Variants in PTPRK observed in about 807,000 individuals in gnomAD.
The protein encoded by PTPRK is protein tyrosine phosphatase receptor type K, also known as receptor-type tyrosine-protein phosphatase kappa.
Under a neutral mutation model 178.0 loss-of-function variants are expected in PTPRK, and 75 were observed. The observed-to-expected ratio is 0.42, with a 90% CI of 0.35 to 0.51. The LOEUF is 0.51. PTPRK is among the 20% of genes least tolerant of loss of function. The pLI, the probability that PTPRK is intolerant of heterozygous loss-of-function variation, is 0.02. For missense variants in PTPRK, 1,441 were observed against 1,797.8 expected, an observed-to-expected ratio of 0.80 and a Z score of 3.59; for synonymous variants, 637 against 620.6, an observed-to-expected ratio of 1.03 and a Z score of -0.39.
intron 7 of PTPRK, among the ~76,000 whole-genome samples, chr6:128,132,454 A>G (rs532777711): frequency 2.0e-4 from 31 of 152,306 alleles, no homozygotes; most frequent in South Asian, 1.0e-3. Context: ...TTATAGGCGT[A>G]AGCCACAGCG....
chr6:128,112,648 A>C (rs1230114096), intron 7 of PTPRK, among the ~76,000 whole-genome samples: 1 of 152,150 alleles, frequency 6.6e-6, no homozygotes, highest in East Asian at 1.9e-4. Flanking sequence ...TGCCTTGGCA[A>C]GTTCATTTTC....
chr6:128,452,802 T>TC (rs1847951539), intron 1 of PTPRK, among the ~76,000 whole-genome samples: 2 of 152,094 alleles, frequency 1.3e-5, no homozygotes, highest in African/African-American at 4.8e-5. Context: ...GCTATATAGG[T>TC]TTCCTGTTTT....
intron 6 of PTPRK, among the ~76,000 whole-genome samples, chr6:128,203,911 T>C (rs376547340): frequency 1.6e-4 from 25 of 152,080 alleles, no homozygotes; most frequent in South Asian, 6.2e-4. Context: ...CTCATAAAAT[T>C]AGAAAAAAAC....
At position 127,995,454 on chromosome 6, in the gene PTPRK, A is replaced by T. The variant is rs1422441086; in HGVS notation, c.2844+8T>A. The T allele has an allele frequency of 1.3e-6, 2 of 1,568,412 alleles. No individual in the cohort carries two copies. Among genetic ancestry groups the T allele is most frequent in the African/African-American group, 1.4e-5 (1 of 73,204 alleles). ...AAAGTAGACATACTTAACTATAAAA[A>T]TACTTACATCAATATAGTTGGCATT... On this transcript the variant is annotated splice_region_variant and intron_variant, in intron 18 of 29. Coordinates refer to ENST00000368226, the MANE Select transcript of PTPRK (RefSeq NM_002844.4).
chr6:128,266,371 G>A (rs570224467), intron 3 of PTPRK, among the ~76,000 whole-genome samples: 1 of 152,246 alleles, frequency 6.6e-6, no homozygotes, highest in South Asian at 2.1e-4. Context: ...TGGTCTGGCA[G>A]TGACTGGGGA....
intron 2 of PTPRK, among the ~76,000 whole-genome samples, chr6:128,330,849 GAAAAACAAAAACAAAAAC>G (rs5879887): frequency 8.6e-4 from 128 of 148,364 alleles, no homozygotes; most frequent in African/African-American, 1.5e-3. Context: ...CTTTTTTTCT[GAAAAACAAAAACAAAAAC>G]AAAAACAAAA....
chr6:128,224,087 T>G (rs1810871717), intron 5 of PTPRK, among the ~76,000 whole-genome samples: 1 of 152,214 alleles, frequency 6.6e-6, no homozygotes, highest in Admixed American at 6.5e-5. Context: ...CTCTTTATTC[T>G]GCTTTGAGTT....
At chr6:128,297,836 A>G (rs1424726422) in intron 3 of PTPRK, among the ~76,000 whole-genome samples, 4 of 152,324 alleles carry the variant, frequency 2.6e-5, no homozygotes, top group Non-Finnish European at 4.4e-5. Context: ...AAGAGCAAAC[A>G]CATTCAAAAG....
intron 7 of PTPRK, among the ~76,000 whole-genome samples, chr6:128,182,493 G>C (rs1451905060): frequency 6.6e-6 from 1 of 152,068 alleles, no homozygotes; most frequent in African/African-American, 2.4e-5. Context: ...AGAATTGCTT[G>C]AACGCAGGAG....
intron 6 of PTPRK, among the ~76,000 whole-genome samples, chr6:128,203,669 T>G (rs1806378158): frequency 1.3e-5 from 2 of 152,064 alleles, no homozygotes; most frequent in Non-Finnish European, 2.9e-5. Flanking sequence ...AAACTCCCAT[T>G]CACAATTGCT....
chr6:128,326,864 C>G (rs984209282), intron 2 of PTPRK, among the ~76,000 whole-genome samples: 1 of 151,980 alleles, frequency 6.6e-6, no homozygotes. Context: ...TACATGAATA[C>G]TATCTTACAA....
At chr6:128,119,292 C>A (rs1792076583) in intron 7 of PTPRK, among the ~76,000 whole-genome samples, 1 of 151,378 alleles carries the variant, frequency 6.6e-6, no homozygotes, top group Non-Finnish European at 1.5e-5. Context: ...AATTTACATT[C>A]CTTTGATTCC....
intron 11 of PTPRK, among the ~76,000 whole-genome samples, chr6:128,072,942 A>G (rs533878576): frequency 6.6e-6 from 1 of 152,202 alleles, no homozygotes; most frequent in East Asian, 1.9e-4. Flanking sequence ...CATAAATGGT[A>G]TTCTCAAAAA....
In PTPRK at chr6:127,990,804, C is replaced by A. The variant is rs763737762; in HGVS notation, c.3061G>T (p.Ala1021Ser). Residue 1021 changes from alanine to serine, a missense_variant, in exon 21 of 30, where the codon GCT (alanine) becomes TCT (serine). Transcript: ENST00000368226. Reference protein sequence around the residue: ...KVTCVEMEPLAEYVVRTFTLE... With the variant: ...KVTCVEMEPLSEYVVRTFTLE... ...GTGAATGTCCTAACTACATATTCAGCAAGTGGTTCCATTTCTACACACGTT... is the reference window on the plus strand; with the variant it reads ...GTGAATGTCCTAACTACATATTCAGAAAGTGGTTCCATTTCTACACACGTT... 12 of 1,610,594 alleles carry A rather than the reference C, an allele frequency of 7.5e-6. No individual in the cohort carries two copies. Among genetic ancestry groups the A allele is most frequent in the Admixed American group, 6.7e-5 (4 of 59,876 alleles).
chr6:128,057,225 T>A (rs898187616), intron 13 of PTPRK, among the ~76,000 whole-genome samples: 2 of 152,340 alleles, frequency 1.3e-5, no homozygotes, highest in Non-Finnish European at 2.9e-5. Flanking sequence ...TCTTCAAATA[T>A]TCTTTTAACT....
intron 6 of PTPRK, among the ~76,000 whole-genome samples, chr6:128,212,410 G>A (rs1428485362): frequency 6.6e-6 from 1 of 151,824 alleles, no homozygotes; most frequent in African/African-American, 2.4e-5. Context: ...TTTGGTTTGG[G>A]GTAAGAGAAA....
At chr6:128,254,214 G>C (rs1816923558) in intron 3 of PTPRK, among the ~76,000 whole-genome samples, 1 of 152,076 alleles carries the variant, frequency 6.6e-6, no homozygotes, top group Non-Finnish European at 1.5e-5. Context: ...GAACGCCTGT[G>C]AACTTTTATT....
intron 13 of PTPRK, 138 bp downstream of exon 13, chr6:128,064,620 G>A (rs1781433864): frequency 1.8e-6 from 2 of 1,090,452 alleles, no homozygotes; most frequent in East Asian, 2.8e-5. Context: ...CCCATTAGTT[G>A]TTAAAGACAC....
At chr6:128,209,883 G>A (rs76232375) in intron 6 of PTPRK, among the ~76,000 whole-genome samples, 29 of 152,230 alleles carry the variant, frequency 1.9e-4, no homozygotes, top group African/African-American at 6.7e-4. Flanking sequence ...AGGACTGAAG[G>A]GGGTGAGCCC....
Sources: gnomAD v4.1 joint callset for allele counts (sites outside exome capture counted in the v4.1 genomes callset) on GRCh38, gnomAD v4.1.1 for gene constraint, MANE v1.5 for transcripts, NCBI Gene and HGNC (gene_info 2026-07-23, HGNC 2026-07-21) for gene names.